The following DENND5A variants were observed in gnomAD, a reference collection of about 807,000 sequenced individuals.
DENND5A encodes the protein DENN domain-containing protein 5A.
In DENND5A, 64 loss-of-function variants were observed where a neutral mutation model predicts 140.3. The observed-to-expected ratio is 0.46, with a 90% confidence interval of 0.37 to 0.56. The LOEUF (loss-of-function observed/expected upper bound fraction) is 0.56. Among genes scored for constraint, DENND5A ranks in the 20% least tolerant of loss-of-function variants. The pLI is 0.00. For synonymous variants in DENND5A, 605 were observed against 607.7 expected (o/e 1.00, Z 0.07); for missense variants, 1,292 against 1,593.8 (o/e 0.81, Z 3.22).
intron 1 of DENND5A, among the ~76,000 whole-genome samples, 158 bp from the exon 2 acceptor site, chr11:9,207,790 A>G (rs1849741892): frequency 6.6e-6 from 1 of 152,178 alleles, no homozygotes; most frequent in Non-Finnish European, 1.5e-5. Context: ...AATTTCACAA[A>G]ACAATACTTA....
In DENND5A at chr11:9,203,893, G is replaced by A. The variant is rs1849603555; in HGVS notation, c.716C>T (p.Pro239Leu). ...AVTSPQPPPLPLESYIYNVLY... is the reference protein window; with the variant it reads ...AVTSPQPPPLLLESYIYNVLY... ...TACGTTGTATATGTAGCTCTCAAGG[G>A]GCAGTGGAGGGGGCTGAGGTGAAGT... Residue 239 changes from proline (P) to leucine (L), a missense_variant, in exon 4 of 23, where the codon CCC becomes CTC. By Grantham distance (98) the Pro-to-Leu change is moderately conservative. Coordinates refer to ENST00000328194, the MANE Select transcript of DENND5A (RefSeq NM_015213.4). 1.2e-6 allele frequency: 2 copies of A among 1,614,058 alleles called. No individual in the cohort carries two copies. Among genetic ancestry groups the A allele is most frequent in the Non-Finnish European group, 8.5e-7 (1 of 1,180,032 alleles).
intron 16 of DENND5A, among the ~76,000 whole-genome samples, chr11:9,146,496 A>T (rs1847435137): frequency 6.6e-6 from 1 of 152,232 alleles, no homozygotes; most frequent in Non-Finnish European, 1.5e-5. Flanking sequence ...GTAAATAGAG[A>T]GACTGGGACT....
intron 8 of DENND5A, chr11:9,171,541 T>C (rs914944930): frequency 6.6e-6 from 1 of 152,078 alleles, no homozygotes; most frequent in South Asian, 2.1e-4. Context: ...AGGACTCAAA[T>C]AGTAAAATTC....
At chr11:9,214,178 A>G (rs1438978213) in intron 1 of DENND5A, among the ~76,000 whole-genome samples, 1 of 152,214 alleles carries the variant, frequency 6.6e-6, no homozygotes, top group Non-Finnish European at 1.5e-5. Context: ...GCCCAATAGC[A>G]TAGTACTGCT....
chr11:9,187,065 C>G (rs1190335118), intron 5 of DENND5A, among the ~76,000 whole-genome samples: 1 of 152,078 alleles, frequency 6.6e-6, no homozygotes, highest in Non-Finnish European at 1.5e-5. Context: ...GCCTAGGTAA[C>G]AGAGCAAGAC....
At chr11:9,151,497 T>C (rs1235180681) in intron 13 of DENND5A, among the ~76,000 whole-genome samples, 2 of 152,128 alleles carry the variant, frequency 1.3e-5, no homozygotes, top group African/African-American at 2.4e-5. Context: ...CAGCCAATTA[T>C]CTCCCCAGGT....
chr11:9,215,550 C>CTTT (rs10655528), intron 1 of DENND5A, among the ~76,000 whole-genome samples: 3,072 of 140,478 alleles, frequency 0.022, 137 homozygotes, highest in African/African-American at 0.075. Context: ...ATCCTGTGTT[C>CTTT]TTTTTTTTTT....
At chr11:9,241,642 T>C (rs1851238029) in intron 1 of DENND5A, among the ~76,000 whole-genome samples, 1 of 152,202 alleles carries the variant, frequency 6.6e-6, no homozygotes, top group Non-Finnish European at 1.5e-5. Flanking sequence ...CATATACATA[T>C]GGCTCACTCC....
rs569620569 is a variant in DENND5A, at chr11:9,265,329, G to A, written c.-260C>T. The A allele has an allele frequency of 3.2e-5, 8 of 251,062 alleles. No individual in the cohort carries two copies. The highest frequency in any genetic ancestry group is 1.1e-4 in the Admixed American group (2 of 17,796). The allele number at this position is 251,062 out of a possible 1,614,324, so 15.6% of individuals were successfully genotyped here. ...CGCTGCAGCTAGCCGAGAGCGCCGCGGCCCGAGCGAGCCTGGAGAAGGGCG... is the reference window on the plus strand; with the variant it reads ...CGCTGCAGCTAGCCGAGAGCGCCGCAGCCCGAGCGAGCCTGGAGAAGGGCG... On this transcript the variant is annotated 5_prime_UTR_variant, in exon 1 of 23. Coordinates refer to ENST00000328194, the MANE Select transcript of DENND5A (RefSeq NM_015213.4). The surrounding 1 kb of genome is among the most constrained non-coding windows in gnomAD (Gnocchi z 4.7).
intron 11 of DENND5A, among the ~76,000 whole-genome samples, chr11:9,161,783 C>G (rs1847992253): frequency 6.6e-6 from 1 of 151,986 alleles, no homozygotes; most frequent in African/African-American, 2.4e-5. Context: ...TCCCAATTTA[C>G]CAATACGGAA....
At chr11:9,143,970 G>C in intron 19 of DENND5A, 127 bp downstream of exon 19, 1 of 1,145,298 alleles carries the variant, frequency 8.7e-7, no homozygotes, top group Admixed American at 2.3e-5. Flanking sequence ...AGGTGGCTTT[G>C]TTAGCAGAAG....
intron 2 of DENND5A, chr11:9,207,155 C>A: frequency 4.4e-6 from 2 of 451,534 alleles, no homozygotes; most frequent in Non-Finnish European, 4.1e-6. Flanking sequence ...CTAAAAACAT[C>A]ACAGAAGCAT....
chr11:9,239,211 T>TAAA (rs1590322221), intron 1 of DENND5A, among the ~76,000 whole-genome samples: 1 of 152,006 alleles, frequency 6.6e-6, no homozygotes, highest in East Asian at 1.9e-4. Flanking sequence ...ATTTATTTAT[T>TAAA]TAAGAGACAG....
chr11:9,255,670 CCTGT>C (rs1165251935), intron 1 of DENND5A, among the ~76,000 whole-genome samples: 1 of 152,070 alleles, frequency 6.6e-6, no homozygotes, highest in Non-Finnish European at 1.5e-5. Context: ...TCGAGACCAG[CCTGT>C]CTAATATGGT....
intron 2 of DENND5A, 83 bp downstream of exon 2, chr11:9,207,478 A>G (rs1197816102): frequency 3.5e-5 from 37 of 1,053,500 alleles, no homozygotes; most frequent in Non-Finnish European, 7.2e-6. Context: ...TTAGAAGGTC[A>G]AAGGTTACAA....
intron 1 of DENND5A, among the ~76,000 whole-genome samples, chr11:9,240,562 T>C (rs1463674364): frequency 6.6e-6 from 1 of 151,608 alleles, no homozygotes; most frequent in East Asian, 1.9e-4. Context: ...AGACAAAAAA[T>C]ATACAGGATT....
At chr11:9,159,190 T>C (rs950637040) in intron 12 of DENND5A, among the ~76,000 whole-genome samples, 3 of 152,340 alleles carry the variant, frequency 2.0e-5, no homozygotes, top group African/African-American at 4.8e-5. Context: ...TTTATTCCCT[T>C]TATTGCTCAA....
chr11:9,223,265 C>T (rs999141463), intron 1 of DENND5A, among the ~76,000 whole-genome samples: 2 of 151,768 alleles, frequency 1.3e-5, no homozygotes, highest in South Asian at 2.1e-4. Context: ...CGGGGTCTCA[C>T]GCCTGTAATC....
At chr11:9,189,764 T>C (rs913184502) in intron 5 of DENND5A, among the ~76,000 whole-genome samples, 1 of 152,048 alleles carries the variant, frequency 6.6e-6, no homozygotes, top group African/African-American at 2.4e-5. Context: ...CCTCAGCCTC[T>C]CGAGTAGGTG....
Sources: gnomAD v4.1 joint callset for allele counts (sites outside exome capture counted in the v4.1 genomes callset) on GRCh38, gnomAD v4.1.1 for gene constraint, Gnocchi (gnomAD v3.1) non-coding constraint, MANE v1.5 for transcripts, NCBI Gene and HGNC (gene_info 2026-07-23, HGNC 2026-07-21) for gene names.